Variants in CSMD1 observed in about 807,000 individuals in gnomAD.
The protein encoded by CSMD1 is CUB and sushi domain-containing protein 1.
Under a neutral mutation model 417.5 loss-of-function variants are expected in CSMD1, and 213 were observed. That is an observed-to-expected ratio of 0.51 (90% CI 0.46 to 0.57). The LOEUF is 0.57. Among genes scored for constraint, CSMD1 ranks in the 20% least tolerant of loss-of-function variants. The pLI, the probability that CSMD1 is intolerant of heterozygous loss-of-function variation, is 0.00. For missense variants in CSMD1, 6,923 were observed against 4,529.7 expected (o/e 1.53, Z -15.17); for synonymous variants, 2,862 against 1,736.8 (o/e 1.65, Z -16.11).
intron 3 of CSMD1, among the ~76,000 whole-genome samples, chr8:4,229,390 T>G (rs1351138269): frequency 2.0e-5 from 3 of 152,244 alleles, no homozygotes; most frequent in Non-Finnish European, 4.4e-5. Flanking sequence ...AAGATTCTCT[T>G]AGATCACAAG....
chr8:3,962,318 G>C (rs1408759350), intron 5 of CSMD1, among the ~76,000 whole-genome samples: 2 of 89,258 alleles, frequency 2.2e-5, no homozygotes, highest in Non-Finnish European at 4.9e-5. Flanking sequence ...GGTTCCAGCA[G>C]TGACAGATTA....
chr8:3,333,822 T>G (rs1220854095), intron 23 of CSMD1, among the ~76,000 whole-genome samples: 1 of 152,222 alleles, frequency 6.6e-6, no homozygotes, highest in Non-Finnish European at 1.5e-5. Context: ...GTGAATGCTA[T>G]TCTTTGAATA....
At chr8:4,926,842 T>G (rs1806903370) in intron 1 of CSMD1, among the ~76,000 whole-genome samples, 1 of 152,170 alleles carries the variant, frequency 6.6e-6, no homozygotes. Context: ...CCTCCCTAAA[T>G]AGTTTGCTAT....
chr8:4,924,684 T>A (rs1268475120), intron 1 of CSMD1, among the ~76,000 whole-genome samples: 2 of 118,788 alleles, frequency 1.7e-5, no homozygotes, highest in Admixed American at 1.2e-4. Flanking sequence ...ATCGCACCAT[T>A]GCACTCTAGC....
chr8:3,656,159 G>A (rs922556192), intron 7 of CSMD1, among the ~76,000 whole-genome samples: 4 of 152,190 alleles, frequency 2.6e-5, no homozygotes, highest in Non-Finnish European at 5.9e-5. Context: ...AGGAAGGGCT[G>A]TATGTACAGC....
rs548182258 is a variant in CSMD1, at chr8:4,284,691, A to G, written c.415+135262T>C. On this transcript the variant is annotated intron_variant, in intron 3 of 69. Transcript: ENST00000635120. ...CCCACAACACTCTTGACAGATATAAAACACTAAAATTTGGATTTCTACGAC... is the reference window on the plus strand; with the variant it reads ...CCCACAACACTCTTGACAGATATAAGACACTAAAATTTGGATTTCTACGAC... 2.0e-5 allele frequency among the ~76,000 whole-genome samples: 3 copies of G among 152,130 alleles called. No homozygotes were observed. In the East Asian group the frequency reaches 5.8e-4, roughly 30 times the overall value.
chr8:4,031,815 T>G lies in CSMD1; in HGVS notation c.610+90A>C. On this transcript the variant is annotated intron_variant, in intron 4 of 69. Transcript: ENST00000635120. ...TAAGAGTCAGCTCAACATGTATTAT[T>G]TTCATTTAAGTGGAAACTTTCATAA... 3 of 1,013,970 alleles carry G rather than the reference T, an allele frequency of 3.0e-6. No homozygotes were observed. In the South Asian group the frequency reaches 6.5e-5, roughly 22 times the overall value. 62.8% of individuals were successfully genotyped at this position (1,013,970 alleles called of 1,614,324 possible).
intron 12 of CSMD1, among the ~76,000 whole-genome samples, chr8:3,447,885 C>G (rs781033271): frequency 6.6e-6 from 1 of 152,072 alleles, no homozygotes; most frequent in Non-Finnish European, 1.5e-5. Flanking sequence ...AGGCCATGAA[C>G]TGTAAGAGCA....
rs537739196 is a variant in CSMD1 at position 3,538,525 on chromosome 8, C to T, written c.1344+36420G>A. On this transcript the variant is annotated intron_variant, in intron 10 of 69. Transcript: ENST00000635120. Reference sequence around the variant, plus strand: ...TGCCTCACCTGAGATGCCCCACCTGCGATGCCTCGCCTGCGATGCCGCACT... The same window carrying T: ...TGCCTCACCTGAGATGCCCCACCTGTGATGCCTCGCCTGCGATGCCGCACT... Among the ~76,000 whole-genome samples, 9 of 151,610 alleles carry T rather than the reference C, an allele frequency of 5.9e-5. No homozygotes were observed. In the South Asian group the frequency reaches 1.2e-3, roughly 21 times the overall value.
rs960571575 is a variant in CSMD1, at chr8:3,684,926, T to C, written c.1009+23488A>G. 6.7e-4 allele frequency among the ~76,000 whole-genome samples: 102 copies of C among 152,176 alleles called. 3 individuals carry two copies. Among genetic ancestry groups the C allele is most frequent in the Non-Finnish European group, 1.6e-4 (11 of 68,034 alleles). On this transcript the variant is annotated intron_variant, in intron 7 of 69. Transcript: ENST00000635120. ...AATTTGTAATGATGCCGGGAAGCAC[T>C]TGGCCAAAGTGGACAATTAAACTGC...
At chr8:3,787,244 G>C (rs1395540064) in intron 5 of CSMD1, among the ~76,000 whole-genome samples, 1 of 152,016 alleles carries the variant, frequency 6.6e-6, no homozygotes, top group Non-Finnish European at 1.5e-5. Context: ...AACAAAAAAA[G>C]AATTTGAAAA....
chr8:4,535,181 G>A (rs1387367161), intron 2 of CSMD1, among the ~76,000 whole-genome samples: 2 of 151,862 alleles, frequency 1.3e-5, no homozygotes, highest in Admixed American at 1.3e-4. Flanking sequence ...ATCTATATAA[G>A]GTATATAAAG....
At chr8:3,113,415 G>A (rs1310319152) in intron 42 of CSMD1, 2 of 152,206 alleles carry the variant, frequency 1.3e-5, no homozygotes, top group African/African-American at 4.8e-5. Context: ...AGTGAAGGAG[G>A]GAATTGCTCA....
intron 2 of CSMD1, among the ~76,000 whole-genome samples, chr8:4,578,602 G>T (rs1173584119): frequency 6.6e-6 from 1 of 151,216 alleles, no homozygotes; most frequent in Non-Finnish European, 1.5e-5. Context: ...GGTTCACGAG[G>T]TCAGGAGTTC....
chr8:3,910,934 G>C (rs1010006997), intron 5 of CSMD1, among the ~76,000 whole-genome samples: 1 of 152,204 alleles, frequency 6.6e-6, no homozygotes, highest in Non-Finnish European at 1.5e-5. Flanking sequence ...TTATTAGCTT[G>C]ATTGATCACG....
chr8:3,495,052 AATTT>A (rs2117311386), intron 10 of CSMD1, among the ~76,000 whole-genome samples: 1 of 152,322 alleles, frequency 6.6e-6, no homozygotes, highest in Non-Finnish European at 1.5e-5. Flanking sequence ...TAGCCATTAT[AATTT>A]ATTTAAAAAA....
At chr8:4,460,566 TA>T (rs1236064320) in intron 2 of CSMD1, among the ~76,000 whole-genome samples, 4 of 151,386 alleles carry the variant, frequency 2.6e-5, no homozygotes, top group Non-Finnish European at 5.9e-5. Flanking sequence ...AATCTTTTGC[TA>T]GACTGTTCAA....
intron 3 of CSMD1, among the ~76,000 whole-genome samples, chr8:4,262,224 T>A (rs1318388575): frequency 6.6e-6 from 1 of 152,214 alleles, no homozygotes; most frequent in Non-Finnish European, 1.5e-5. Flanking sequence ...ACACTTGACT[T>A]GGATCTGAGA....
chr8:3,263,329 C>A (rs572792388), intron 26 of CSMD1, among the ~76,000 whole-genome samples: 3 of 152,178 alleles, frequency 2.0e-5, no homozygotes, highest in African/African-American at 7.2e-5. Context: ...GAACTCCTGG[C>A]CTCAAGTGAT....
Sources: gnomAD v4.1 joint callset for allele counts (sites outside exome capture counted in the v4.1 genomes callset) on GRCh38, gnomAD v4.1.1 for gene constraint, MANE v1.5 for transcripts, NCBI Gene and HGNC (gene_info 2026-07-23, HGNC 2026-07-21) for gene names.